The following FAM135B variants were observed in gnomAD, a reference collection of about 807,000 sequenced individuals.
FAM135B encodes protein FAM135B.
Under a neutral mutation model 127.7 loss-of-function variants are expected in FAM135B, and 43 were observed. The observed-to-expected ratio is 0.34, with a 90% CI of 0.26 to 0.43. The LOEUF (loss-of-function observed/expected upper bound fraction) is 0.43. Ranked by LOEUF, FAM135B falls within the 20% of genes least tolerant of loss-of-function variation. The pLI is 1.00. For missense variants in FAM135B, 1,558 were observed against 1,725.6 expected (o/e 0.90, Z 1.72); for synonymous variants, 670 against 665.1 (o/e 1.01, Z -0.11).
chr8:138,203,793 C>T (rs1041101803), intron 7 of FAM135B, among the ~76,000 whole-genome samples: 8 of 152,054 alleles, frequency 5.3e-5, no homozygotes, highest in Admixed American at 6.6e-5. Context: ...TTGTAATATA[C>T]GATTCACCAT....
rs568083041 is a variant in FAM135B, at chr8:138,344,820, C to G, written c.77+23087G>C. On this transcript the variant is annotated intron_variant, in intron 2 of 19. Transcript: ENST00000395297. Reference sequence around the variant, plus strand: ...TCGATCTCCTGACCTCGTGATCTGCCTGCCTCGGACTCCCAAAGTGCTGGG... The same window carrying G: ...TCGATCTCCTGACCTCGTGATCTGCGTGCCTCGGACTCCCAAAGTGCTGGG... 1.6e-4 allele frequency among the ~76,000 whole-genome samples: 25 copies of G among 152,244 alleles called. 1 individual carries two copies. The highest frequency in any genetic ancestry group is 5.8e-4 in the African/African-American group (24 of 41,558).
chr8:138,152,427 A>G lies in FAM135B; in HGVS notation c.2048T>C (p.Ile683Thr), dbSNP rs760140657. The change falls in exon 13 of 20, where the codon ATA (isoleucine) becomes ACA (threonine). Residue 683 changes from isoleucine (I) to threonine (T), a missense_variant. Physicochemically the swap from Ile to Thr is moderately conservative, Grantham distance 89 (BLOSUM62 -1). Transcript: ENST00000395297. ...SGVIKRSSSI[I>T]SDSGIESEPS... ...CTCACTCTCAATGCCTGAATCAGAT[A>G]TGATGGATGAAGATCTCTTGATGAC... The G allele has an allele frequency of 2.5e-5, 41 of 1,614,206 alleles. No individual in the cohort carries two copies. Among genetic ancestry groups the G allele is most frequent in the Non-Finnish European group, 3.5e-5 (41 of 1,180,038 alleles).
chr8:138,437,359 G>A (rs1263179604), intron 1 of FAM135B: 1 of 152,248 alleles, frequency 6.6e-6, no homozygotes. Flanking sequence ...GGAGGTAATT[G>A]GATCATGGGG....
chr8:138,418,734 G>A (rs1201591513), intron 1 of FAM135B, among the ~76,000 whole-genome samples: 6 of 151,856 alleles, frequency 4.0e-5, no homozygotes, highest in African/African-American at 1.5e-4. Flanking sequence ...ATCCTTTTCA[G>A]ACCAGCAAAC....
At chr8:138,286,840 A>G (rs543867740) in intron 3 of FAM135B, among the ~76,000 whole-genome samples, 2 of 152,364 alleles carry the variant, frequency 1.3e-5, no homozygotes, top group Non-Finnish European at 2.9e-5. Flanking sequence ...CCATGCTGAC[A>G]GTAGCCTGGG....
At chr8:138,328,293 C>CA (rs1270404840) in intron 2 of FAM135B, among the ~76,000 whole-genome samples, 1 of 152,156 alleles carries the variant, frequency 6.6e-6, no homozygotes, top group Non-Finnish European at 1.5e-5. Context: ...CATTTTGGCT[C>CA]ACTCCTAAGA....
chr8:138,464,821 C>T (rs1837304158), intron 1 of FAM135B, among the ~76,000 whole-genome samples: 1 of 152,166 alleles, frequency 6.6e-6, no homozygotes, highest in Non-Finnish European at 1.5e-5. Flanking sequence ...GCTGCACTGC[C>T]CCCTACGCTG....
chr8:138,355,336 T>C (rs1291604458), intron 2 of FAM135B, among the ~76,000 whole-genome samples: 1 of 152,110 alleles, frequency 6.6e-6, no homozygotes, highest in African/African-American at 2.4e-5. Context: ...CCAACAATGA[T>C]AGACTGGATT....
At chr8:138,357,418 CAG>C (rs1454956934) in intron 2 of FAM135B, among the ~76,000 whole-genome samples, 3 of 151,992 alleles carry the variant, frequency 2.0e-5, no homozygotes, top group South Asian at 2.1e-4. Flanking sequence ...GTGAGAAAAA[CAG>C]AGAGTAACTT....
chr8:138,418,884 C>CAAAAAAAAAA (rs761615203), intron 1 of FAM135B, among the ~76,000 whole-genome samples: 1 of 116,332 alleles, frequency 8.6e-6, no homozygotes, highest in Non-Finnish European at 1.9e-5. Context: ...TCACCAACCA[C>CAAAAAAAAAA]AAAAAAAAAA....
chr8:138,408,593 A>T (rs1589224), intron 1 of FAM135B, among the ~76,000 whole-genome samples: 58,697 of 152,010 alleles, frequency 0.39, 11,916 homozygotes, highest in African/African-American at 0.52. Flanking sequence ...TTATGATCAA[A>T]ATAGGTTTAA....
At chr8:138,217,819 C>G (rs1299890555) in intron 7 of FAM135B, among the ~76,000 whole-genome samples, 1 of 152,114 alleles carries the variant, frequency 6.6e-6, no homozygotes, top group Non-Finnish European at 1.5e-5. Flanking sequence ...ACTACCTGGT[C>G]CTTTCCTTCA....
intron 9 of FAM135B, among the ~76,000 whole-genome samples, chr8:138,181,375 C>A (rs1051254323): frequency 2.0e-5 from 3 of 152,280 alleles, no homozygotes; most frequent in South Asian, 4.2e-4. Flanking sequence ...GATTCTTGAA[C>A]CAGTGCCTCT....
intron 1 of FAM135B, among the ~76,000 whole-genome samples, chr8:138,397,162 C>A (rs567900741): frequency 3.3e-5 from 5 of 152,188 alleles, no homozygotes; most frequent in Non-Finnish European, 4.4e-5. Flanking sequence ...TGTGAGCCTA[C>A]GGAAGGCTGG....
chr8:138,335,593 C>A (rs978365355), intron 2 of FAM135B, among the ~76,000 whole-genome samples: 4 of 152,046 alleles, frequency 2.6e-5, no homozygotes, highest in Admixed American at 6.5e-5. Flanking sequence ...ACAGGAGCAC[C>A]CAGATTCATA....
intron 9 of FAM135B, among the ~76,000 whole-genome samples, chr8:138,184,673 C>A (rs923842927): frequency 6.6e-6 from 1 of 152,126 alleles, no homozygotes; most frequent in Non-Finnish European, 1.5e-5. Flanking sequence ...AAGAGTTGAA[C>A]CCTGTGTCCA....
intron 2 of FAM135B, among the ~76,000 whole-genome samples, chr8:138,343,052 G>A (rs768724741): frequency 5.9e-5 from 9 of 152,168 alleles, no homozygotes; most frequent in South Asian, 2.1e-4. Flanking sequence ...CTTAAAATAC[G>A]CATTCATTTA....
intron 1 of FAM135B, among the ~76,000 whole-genome samples, chr8:138,373,207 A>G (rs912574207): frequency 6.6e-6 from 1 of 152,142 alleles, no homozygotes; most frequent in African/African-American, 2.4e-5. Flanking sequence ...AGGGACCCCA[A>G]ATGGAGGGAC....
chr8:138,396,552 T>A (rs146145189), intron 1 of FAM135B, among the ~76,000 whole-genome samples: 205 of 152,264 alleles, frequency 1.3e-3, no homozygotes, highest in Non-Finnish European at 1.4e-3. Flanking sequence ...TCTATGGATG[T>A]GTTTAGTTAT....
Sources: gnomAD v4.1 joint callset for allele counts (sites outside exome capture counted in the v4.1 genomes callset) on GRCh38, gnomAD v4.1.1 for gene constraint, MANE v1.5 for transcripts, NCBI Gene and HGNC (gene_info 2026-07-23, HGNC 2026-07-21) for gene names.